The following NKIRAS1 variants were observed in gnomAD, a reference collection of about 807,000 sequenced individuals.
NKIRAS1 encodes NF-kappa-B inhibitor-interacting Ras-like protein 1.
Under a neutral mutation model 19.8 loss-of-function variants are expected in NKIRAS1, and 16 were observed. That is an observed-to-expected ratio of 0.81 (90% CI 0.55 to 1.23). The LOEUF (loss-of-function observed/expected upper bound fraction) is 1.23. Ranked by LOEUF, NKIRAS1 falls within the 50% of genes most tolerant of loss-of-function variation. The probability of loss-of-function intolerance (pLI) is 0.00; values close to 1 mark genes in which losing one functional copy is unlikely to be tolerated. For missense variants in NKIRAS1, 184 were observed against 220.0 expected, an observed-to-expected ratio of 0.84 and a Z score of 1.04; for synonymous variants, 88 against 79.0, an observed-to-expected ratio of 1.11 and a Z score of -0.61.
At position 23,900,791 on chromosome 3, in the gene NKIRAS1, T is replaced by C. The variant is rs1702453058; in HGVS notation, c.336+17A>G. ...GTATTATAATTCACATTTGGCATTTTTAACATATCCACTTGCCTCTTTTTT... is the reference window on the plus strand; with the variant it reads ...GTATTATAATTCACATTTGGCATTTCTAACATATCCACTTGCCTCTTTTTT... On this transcript the variant is annotated intron_variant, in intron 4 of 4. Coordinates refer to ENST00000425478, the MANE Select transcript of NKIRAS1 (RefSeq NM_020345.4). 6.2e-7 allele frequency: 1 copy of C among 1,606,186 alleles called. No homozygotes were observed. Among genetic ancestry groups the C allele is most frequent in the African/African-American group, 1.3e-5 (1 of 74,452 alleles).
At chr3:23,918,286 A>C, upstream of NKIRAS1, 1 of 980,280 alleles carries the variant, frequency 1.0e-6, no homozygotes, top group Non-Finnish European at 1.5e-6. Context: ...CCTAAGGTGC[A>C]TTGAAAAAGA....
chr3:23,890,393 A>C lies in NKIRAS1; in HGVS notation c.*2702T>G, dbSNP rs1251796443. On this transcript the variant is annotated 3_prime_UTR_variant, in exon 5 of 5. Transcript: ENST00000425478. ...CCAGCATGGTGGAGTGGTGTTTCGAAGATGGGTTTGATCACACATACTTTG... is the reference window on the plus strand; with the variant it reads ...CCAGCATGGTGGAGTGGTGTTTCGACGATGGGTTTGATCACACATACTTTG... 5 of 867,140 alleles carry C rather than the reference A, an allele frequency of 5.8e-6. No individual in the cohort carries two copies. 53.7% of individuals were successfully genotyped at this position (867,140 alleles called of 1,614,324 possible).
At position 23,930,848 on chromosome 3, in the gene NKIRAS1, G is replaced by A. The variant is rs140619627; in HGVS notation, c.-140+15475C>T. 7.1e-3 allele frequency among the ~76,000 whole-genome samples: 1,071 copies of A among 150,078 alleles called. 5 individuals carry two copies. The highest frequency in any genetic ancestry group is 0.011 in the Non-Finnish European group (717 of 67,806). ...CTCCTGAGTAGCTGGGACTATAGGT[G>A]CATGCCACCATGTCCGGCTGTTTTT... On this transcript the variant is annotated intron_variant, in intron 1 of 4. Coordinates refer to the NKIRAS1 transcript ENST00000421515.
rs1306119983 is a variant in NKIRAS1 at position 23,892,681 on chromosome 3, C to G, written c.*414G>C. The G allele has an allele frequency of 6.5e-6, 1 of 152,942 alleles. No homozygotes were observed. 9.5% of individuals were successfully genotyped at this position (152,942 alleles called of 1,614,324 possible). A position where few individuals can be genotyped will look rare whatever the true frequency, so the allele number is the denominator to read the frequency against. On this transcript the variant is annotated 3_prime_UTR_variant, in exon 5 of 5. Transcript: ENST00000425478. ...TAATCCTAGACATTAGATTAATGAA[C>G]TTTTTAAAAACAAAGTCATGTTTGG...
chr3:23,918,258 G>A, upstream of NKIRAS1: 1 of 894,054 alleles, frequency 1.1e-6, no homozygotes, highest in Non-Finnish European at 1.7e-6. Flanking sequence ...TAAACAGTGT[G>A]CCTCCCTGTG....
At chr3:23,918,974 T>TTTC, upstream of NKIRAS1, 1 of 583,954 alleles carries the variant, frequency 1.7e-6, no homozygotes, top group Non-Finnish European at 3.0e-6. Flanking sequence ...AGGAATGGAG[T>TTTC]ATTAAGAGGG....
At chr3:23,901,739 G>A (rs1041900809) in intron 3 of NKIRAS1, among the ~76,000 whole-genome samples, 2 of 152,168 alleles carry the variant, frequency 1.3e-5, no homozygotes, top group Non-Finnish European at 2.9e-5. Flanking sequence ...AGAGACATGT[G>A]ATAAGACAGG....
At chr3:23,917,627 A>G (rs1003642797), upstream of NKIRAS1, 5 of 481,870 alleles carry the variant, frequency 1.0e-5, no homozygotes, top group Admixed American at 1.2e-4. Flanking sequence ...TCGCCCCACC[A>G]AAACGTGCCG....
chr3:23,919,616 T>A, upstream of NKIRAS1: 1 of 1,424,030 alleles, frequency 7.0e-7, no homozygotes, highest in Non-Finnish European at 9.1e-7. Context: ...GAATGCTTTG[T>A]CAAATTAAGA....
At chr3:23,924,098 T>C (rs1705165465) in intron 1 of NKIRAS1, 1 of 152,228 alleles carries the variant, frequency 6.6e-6, no homozygotes, top group African/African-American at 2.4e-5. Context: ...CCAGATAGCA[T>C]AGCTATTAAT....
upstream of NKIRAS1, chr3:23,918,622 G>A: frequency 6.3e-7 from 1 of 1,590,434 alleles, no homozygotes; most frequent in Non-Finnish European, 8.6e-7. Context: ...GCCTGGGGAT[G>A]GTGGGAGAGA....
chr3:23,946,385 G>C (rs1705710140), exon 1 of NKIRAS1: 1 of 804,264 alleles, frequency 1.2e-6, no homozygotes, highest in African/African-American at 1.9e-5. Context: ...GAGGCGCCTC[G>C]GGGAAGGCGT....
intron 1 of NKIRAS1, among the ~76,000 whole-genome samples, chr3:23,938,503 T>C (rs1056128277): frequency 6.6e-6 from 1 of 152,206 alleles, no homozygotes; most frequent in African/African-American, 2.4e-5. Flanking sequence ...TGAGCCACCA[T>C]GCCCAGCCAT....
Position 23,893,312 on chromosome 3 carries a change from T to G in NKIRAS1, c.362A>C (p.Lys121Thr). 1 of 1,613,768 alleles carries G rather than the reference T, an allele frequency of 6.2e-7. No individual in the cohort carries two copies. Among genetic ancestry groups the G allele is most frequent in the African/African-American group, 1.3e-5 (1 of 75,010 alleles). Residue 121 changes from lysine to threonine, a missense_variant, in exon 5 of 5, where the codon AAA (lysine) becomes ACA (threonine). Transcript: ENST00000425478. Reference sequence around the variant, plus strand: ...TTGTCTCTGCTCAGAAAGGTCGATTTTGTTTCCTAATACCACAATTGCTAC... The same window carrying G: ...TTGTCTCTGCTCAGAAAGGTCGATTGTGTTTCCTAATACCACAATTGCTAC... Reference protein sequence around the residue: ...KEVAIVVLGNKIDLSEQRQVD... With the variant: ...KEVAIVVLGNTIDLSEQRQVD...
chr3:23,920,981 ATT>A (rs1345775910), upstream of NKIRAS1: 1 of 158,322 alleles, frequency 6.3e-6, no homozygotes, highest in East Asian at 1.9e-4. Context: ...AAATGTACTT[ATT>A]CTCTCAGTTC....
chr3:23,923,107 A>G (rs1705141327), intron 1 of NKIRAS1: 1 of 152,040 alleles, frequency 6.6e-6, no homozygotes, highest in East Asian at 1.9e-4. Context: ...CCTGGCCTAC[A>G]TATGTATTTT....
chr3:23,917,808 A>T, upstream of NKIRAS1: 1 of 1,551,180 alleles, frequency 6.4e-7, no homozygotes. Context: ...GTCTTATTGT[A>T]CTTAAAGCGG....
upstream of NKIRAS1, chr3:23,917,925 T>G (rs775725406): frequency 3.1e-6 from 5 of 1,613,674 alleles, no homozygotes; most frequent in Admixed American, 6.7e-5. Context: ...TGCGCTTTCT[T>G]CTGAGGGTCC....
At chr3:23,913,633 A>G (rs1703999582) in intron 1 of NKIRAS1, among the ~76,000 whole-genome samples, 1 of 152,256 alleles carries the variant, frequency 6.6e-6, no homozygotes, top group South Asian at 2.1e-4. Context: ...TCATGCTTAG[A>G]TATTTTCAGA....
Sources: allele counts gnomAD v4.1 joint callset (sites outside exome capture counted in the v4.1 genomes callset), GRCh38; gene constraint gnomAD v4.1.1; transcripts MANE v1.5; gene names NCBI Gene and HGNC (gene_info 2026-07-23, HGNC 2026-07-21).